The following SHANK2 variants were observed in gnomAD, a reference collection of about 807,000 sequenced individuals.
The protein encoded by SHANK2 is SH3 and multiple ankyrin repeat domains 2.
SHANK2 carries 43 observed loss-of-function variants against 133.7 expected under a neutral mutation model. That is an observed-to-expected ratio of 0.32 (90% CI 0.25 to 0.41). The LOEUF is 0.41. Among genes scored for constraint, SHANK2 ranks in the 10% least tolerant of loss-of-function variants. The pLI, the probability that SHANK2 is intolerant of heterozygous loss-of-function variation, is 1.00. For synonymous variants in SHANK2, 1,017 were observed against 952.8 expected (o/e 1.07, Z -1.24); for missense variants, 1,994 against 2,235.8 (o/e 0.89, Z 2.18).
At chr11:70,854,373 G>A (rs1375859511) in intron 11 of SHANK2, among the ~76,000 whole-genome samples, 3 of 152,194 alleles carry the variant, frequency 2.0e-5, no homozygotes, top group African/African-American at 7.2e-5. Context: ...GAAACCCAGT[G>A]CCTTGTAACT....
intron 2 of SHANK2, among the ~76,000 whole-genome samples, chr11:71,219,561 AC>A (rs1954493101): frequency 6.6e-6 from 1 of 151,576 alleles, no homozygotes. Context: ...CCACATCAAC[AC>A]CCCCTAGAAT....
intron 15 of SHANK2, among the ~76,000 whole-genome samples, chr11:70,670,893 G>T (rs1286776851): frequency 2.6e-5 from 4 of 152,206 alleles, no homozygotes; most frequent in Admixed American, 2.0e-4. Flanking sequence ...GTCGCTTCAC[G>T]TGGCATCAGG....
intron 11 of SHANK2, among the ~76,000 whole-genome samples, chr11:70,893,117 G>T (rs527486355): frequency 6.6e-6 from 1 of 152,230 alleles, no homozygotes; most frequent in East Asian, 1.9e-4. Flanking sequence ...GCATCTGGAC[G>T]TGGAGGTTTG....
At chr11:71,075,602 G>A (rs1157858332) in intron 8 of SHANK2, among the ~76,000 whole-genome samples, 3 of 152,162 alleles carry the variant, frequency 2.0e-5, no homozygotes. Flanking sequence ...GGTGCAGGAT[G>A]TCTTTCTCCC....
intron 17 of SHANK2, among the ~76,000 whole-genome samples, chr11:70,658,997 C>CT (rs1368876425): frequency 2.0e-5 from 3 of 152,192 alleles, no homozygotes; most frequent in Admixed American, 6.5e-5. Context: ...AAAATATCAT[C>CT]TTTTTCAACC....
chr11:70,695,380 T>C (rs2134465686), intron 15 of SHANK2, among the ~76,000 whole-genome samples: 1 of 152,234 alleles, frequency 6.6e-6, no homozygotes, highest in South Asian at 2.1e-4. Flanking sequence ...GAAGTACTGG[T>C]GTGTGTCACT....
intron 17 of SHANK2, among the ~76,000 whole-genome samples, chr11:70,531,025 T>C (rs1201103776): frequency 6.6e-6 from 1 of 151,242 alleles, no homozygotes; most frequent in South Asian, 2.1e-4. Flanking sequence ...AATAAATAAA[T>C]AAATAAAACA....
chr11:70,749,970 GA>G (rs781891193), intron 14 of SHANK2, among the ~76,000 whole-genome samples: 2 of 152,132 alleles, frequency 1.3e-5, no homozygotes, highest in Non-Finnish European at 2.9e-5. Context: ...TGAAAGAAAC[GA>G]ATGCACAGAT....
chr11:70,642,048 C>T (rs1457982906), intron 17 of SHANK2, among the ~76,000 whole-genome samples: 1 of 152,184 alleles, frequency 6.6e-6, no homozygotes, highest in African/African-American at 2.4e-5. Context: ...GACTGGGTAC[C>T]AGGATGGGTA....
chr11:70,742,803 C>A (rs1555035040), intron 14 of SHANK2, among the ~76,000 whole-genome samples: 1 of 152,240 alleles, frequency 6.6e-6, no homozygotes, highest in Non-Finnish European at 1.5e-5. Flanking sequence ...ATGGCCACTC[C>A]CTGCTGGGGG....
At chr11:70,655,664 G>C (rs1207953355) in intron 17 of SHANK2, among the ~76,000 whole-genome samples, 3 of 152,202 alleles carry the variant, frequency 2.0e-5, no homozygotes. Context: ...GATCACAAAA[G>C]TCATTCAAGA....
At chr11:71,119,136 C>G (rs1211861783) in intron 3 of SHANK2, 104 bp from the exon 4 acceptor site, 7 of 929,310 alleles carry the variant, frequency 7.5e-6, no homozygotes, top group Non-Finnish European at 1.1e-5. Context: ...CACCCCTTCC[C>G]GACACTTCCT....
chr11:70,501,268 C>A (rs192893702), intron 20 of SHANK2, among the ~76,000 whole-genome samples: 1 of 152,328 alleles, frequency 6.6e-6, no homozygotes, highest in Non-Finnish European at 1.5e-5. Flanking sequence ...CGCCCTGGGC[C>A]GAGGAAGGAT....
At chr11:70,836,249 C>T (rs1346618300) in intron 11 of SHANK2, among the ~76,000 whole-genome samples, 1 of 152,238 alleles carries the variant, frequency 6.6e-6, no homozygotes, top group Non-Finnish European at 1.5e-5. Flanking sequence ...GATTCTCAGG[C>T]CGGCTCCACA....
At chr11:70,541,213 C>A (rs552767934) in intron 17 of SHANK2, among the ~76,000 whole-genome samples, 4 of 152,224 alleles carry the variant, frequency 2.6e-5, no homozygotes, top group Non-Finnish European at 4.4e-5. Flanking sequence ...TCGGGATACA[C>A]CACATTTGCC....
At chr11:70,840,287 C>T (rs1211744247) in intron 11 of SHANK2, among the ~76,000 whole-genome samples, 1 of 152,194 alleles carries the variant, frequency 6.6e-6, no homozygotes, top group Non-Finnish European at 1.5e-5. Context: ...TCACCTGGCA[C>T]ACTACAGAGC....
intron 14 of SHANK2, among the ~76,000 whole-genome samples, chr11:70,763,563 G>A (rs782189643): frequency 3.3e-5 from 5 of 152,136 alleles, no homozygotes; most frequent in Non-Finnish European, 5.9e-5. Context: ...GCCACCTACT[G>A]GGGCCAGCCT....
chr11:70,570,931 T>C (rs1265962328), intron 17 of SHANK2, among the ~76,000 whole-genome samples: 1 of 152,180 alleles, frequency 6.6e-6, no homozygotes, highest in Non-Finnish European at 1.5e-5. Context: ...CTTGTAGTTA[T>C]CTTGTGCATA....
At chr11:70,478,686 G>A (rs1255167612) in intron 25 of SHANK2, among the ~76,000 whole-genome samples, 1 of 152,158 alleles carries the variant, frequency 6.6e-6, no homozygotes, top group Admixed American at 6.6e-5. Flanking sequence ...CCAGGCCTCC[G>A]CCTCACCCCC....
Sources: gnomAD v4.1 joint callset for allele counts (sites outside exome capture counted in the v4.1 genomes callset) on GRCh38, gnomAD v4.1.1 for gene constraint, MANE v1.5 for transcripts, NCBI Gene and HGNC (gene_info 2026-07-23, HGNC 2026-07-21) for gene names.